The following PLEKHG4B variants were observed in gnomAD, a reference collection of about 807,000 sequenced individuals.
PLEKHG4B encodes pleckstrin homology and RhoGEF domain containing G4B.
Under a neutral mutation model 121.3 loss-of-function variants are expected in PLEKHG4B, and 111 were observed. That is an observed-to-expected ratio of 0.92 (90% CI 0.78 to 1.07). The LOEUF (loss-of-function observed/expected upper bound fraction) is 1.07, where lower values mean the gene tolerates loss of function less well. PLEKHG4B is among the 50% of genes least tolerant of loss of function. The pLI, the probability that PLEKHG4B is intolerant of heterozygous loss-of-function variation, is 0.00. For missense variants in PLEKHG4B, 1,831 were observed against 1,757.8 expected (o/e 1.04, Z -0.74); for synonymous variants, 738 against 725.0 (o/e 1.02, Z -0.29).
intron 1 of PLEKHG4B, among the ~76,000 whole-genome samples, chr5:93,622 A>G (rs1733535725): frequency 6.6e-6 from 1 of 152,238 alleles, no homozygotes; most frequent in Non-Finnish European, 1.5e-5. Flanking sequence ...CCGGTAGGCC[A>G]GGGTGTCAGG....
In PLEKHG4B at chr5:162,727, C is replaced by T. The variant is rs748399506; in HGVS notation, c.2655C>T (p.Ser885=). ...GAGCCCTCCTTGTCCCACAGGTGAG[C>T]AGCTGGATGGGGCCCCTGGACCCGG... ...TRSSELCETV[S]SWMGPLDPEA... Residue 885 remains serine, a synonymous_variant, in exon 13 of 20, where the codon AGC becomes AGT. Transcript: ENST00000637938. 4.1e-6 allele frequency: 6 copies of T among 1,451,810 alleles called. No individual in the cohort carries two copies. The East Asian group carries it at 1.0e-4, about 24-fold the overall frequency. The allele number at this position is 1,451,810 out of a possible 1,614,324, so 89.9% of individuals were successfully genotyped here.
intron 6 of PLEKHG4B, among the ~76,000 whole-genome samples, chr5:145,417 A>G (rs750035138): frequency 7.9e-5 from 12 of 152,206 alleles, no homozygotes; most frequent in African/African-American, 2.4e-4. Context: ...GACAGGGTCA[A>G]TGCCATTGCC....
chr5:99,920 T>G (rs1733752569), intron 1 of PLEKHG4B, among the ~76,000 whole-genome samples: 1 of 152,166 alleles, frequency 6.6e-6, no homozygotes, highest in Non-Finnish European at 1.5e-5. Context: ...TTTCTGGGTC[T>G]GTTATCATGA....
At position 158,569 on chromosome 5, in the gene PLEKHG4B, G is replaced by A. The variant is rs375032058; in HGVS notation, c.2487+1658G>A. On this transcript the variant is annotated intron_variant, in intron 11 of 19. Transcript: ENST00000637938. ...CCATCTCCCCCTCCTCCCTCTGCCC[G>A]TCCTGGGAGTCTCCTTCATCTTCCC... is the stretch of plus-strand genomic sequence containing the variant. 2.7e-3 allele frequency among the ~76,000 whole-genome samples: 286 copies of A among 107,918 alleles called. 1 individual carries two copies. The highest frequency in any genetic ancestry group is 9.8e-3 in the African/African-American group (266 of 27,244). The allele number at this position is 107,918 out of a possible 152,430, so 70.8% of individuals were successfully genotyped here.
chr5:167,864 A>T (rs572334606), intron 13 of PLEKHG4B, among the ~76,000 whole-genome samples: 1 of 152,358 alleles, frequency 6.6e-6, no homozygotes, highest in African/African-American at 2.4e-5. Context: ...TTATGGTGTA[A>T]AAGTACTTTT....
chr5:109,962 C>T (rs1044940243), intron 1 of PLEKHG4B, among the ~76,000 whole-genome samples: 2 of 151,976 alleles, frequency 1.3e-5, no homozygotes, highest in East Asian at 1.9e-4. Context: ...ATCTGCAACA[C>T]GTGCACACAC....
rs539351760 is a variant in PLEKHG4B, at chr5:158,107, T to G, written c.2487+1196T>G. ...AGGCCAAGCTGCAGCCACCAGCCAG[T>G]CCGGGCTGTCTCCAGTCTGTGCCCT... On this transcript the variant is annotated intron_variant, in intron 11 of 19. Coordinates refer to ENST00000637938, the MANE Select transcript of PLEKHG4B (RefSeq NM_052909.5). Among the ~76,000 whole-genome samples, 419 of 152,260 alleles carry G rather than the reference T, an allele frequency of 2.8e-3. 4 individuals are homozygous for G. Among genetic ancestry groups the G allele is most frequent in the African/African-American group, 9.5e-3 (396 of 41,526 alleles).
Position 162,870 on chromosome 5 carries a change from T to TG in PLEKHG4B, c.2802dup (p.Lys935GlufsTer26). Reference sequence around the variant, plus strand: ...GTGGCAGTGCTGAAGCCTCATGCCCTGGGGAAACCGTGGGCATCACAGCAA... The same window carrying TG: ...GTGGCAGTGCTGAAGCCTCATGCCCTGGGGGAAACCGTGGGCATCACAGCAA... On this transcript the variant is annotated frameshift_variant, in exon 13 of 20. Transcript: ENST00000637938. LOFTEE classifies it high-confidence loss of function. The TG allele has an allele frequency of 1.3e-6, 2 of 1,519,896 alleles. No homozygotes were observed. The highest frequency in any genetic ancestry group is 1.8e-4 in the Middle Eastern group (1 of 5,712). The allele number at this position is 1,519,896 out of a possible 1,614,324, so 94.2% of individuals were successfully genotyped here.
chr5:102,436 A>G (rs1733848934), intron 1 of PLEKHG4B, among the ~76,000 whole-genome samples: 2 of 152,218 alleles, frequency 1.3e-5, no homozygotes, highest in Admixed American at 6.5e-5. Flanking sequence ...TGTAAATAAA[A>G]ATAATAATAA....
chr5:162,038 A>T (rs967010388), intron 12 of PLEKHG4B, 94 bp downstream of exon 12: 11 of 1,443,402 alleles, frequency 7.6e-6, no homozygotes, highest in Non-Finnish European at 1.0e-5. Context: ...GGAGTGGGCC[A>T]GGCTGTGGGA....
intron 2 of PLEKHG4B, among the ~76,000 whole-genome samples, chr5:119,329 T>C (rs1296583431): frequency 6.6e-6 from 1 of 152,230 alleles, no homozygotes; most frequent in East Asian, 1.9e-4. Flanking sequence ...TGTTCCATTA[T>C]TGGAACACTA....
At chr5:122,196 C>T (rs542862441) in intron 2 of PLEKHG4B, among the ~76,000 whole-genome samples, 2 of 151,522 alleles carry the variant, frequency 1.3e-5, no homozygotes, top group East Asian at 3.9e-4. Context: ...AAATGGAATC[C>T]AAAAAATAGA....
chr5:134,498 G>A (rs1734888769), intron 2 of PLEKHG4B, among the ~76,000 whole-genome samples: 1 of 152,128 alleles, frequency 6.6e-6, no homozygotes, highest in South Asian at 2.1e-4. Flanking sequence ...AGGCATGGTG[G>A]GTCATGCCTG....
At chr5:130,174 A>T (rs1734737818) in intron 2 of PLEKHG4B, among the ~76,000 whole-genome samples, 1 of 152,246 alleles carries the variant, frequency 6.6e-6, no homozygotes, top group Non-Finnish European at 1.5e-5. Context: ...TTGATGGCAG[A>T]AACATCTAGA....
rs114260538 is a variant in PLEKHG4B, at chr5:163,444, G to A, written c.3372G>A (p.Pro1124=). The part of the protein sequence containing the change: ...TSTVATEKKL[P]LWQHARSPPV... ...CTGTAGCCACAGAGAAGAAGCTCCC[G>A]CTGTGGCAGCATGCCAGGAGCCCCC... Residue 1124 remains proline (P), a synonymous_variant, in exon 13 of 20, where the codon CCG becomes CCA. Transcript: ENST00000637938. The A allele has an allele frequency of 2.7e-4, 443 of 1,612,970 alleles. 1 individual carries two copies. Among genetic ancestry groups the A allele is most frequent in the East Asian group, 3.1e-4 (14 of 44,884 alleles).
Position 151,499 on chromosome 5 carries a change from CTTAT to C in PLEKHG4B, c.1906-7_1906-4del, listed in dbSNP as rs745810022. ...GAAAGCTAATCAGTAATATTTATTT[CTTAT>C]TTATTTCAGAACAACACATCTCCTA... is the stretch of plus-strand genomic sequence containing the variant. On this transcript the variant is annotated splice_polypyrimidine_tract_variant and intron_variant, in intron 6 of 19. Transcript: ENST00000637938. 2 of 1,496,108 alleles carry C rather than the reference CTTAT, an allele frequency of 1.3e-6. No homozygotes were observed. The highest frequency in any genetic ancestry group is 1.8e-6 in the Non-Finnish European group (2 of 1,088,986). 92.7% of individuals were successfully genotyped at this position (1,496,108 alleles called of 1,614,324 possible).
intron 2 of PLEKHG4B, among the ~76,000 whole-genome samples, chr5:129,315 A>G (rs950233679): frequency 1.3e-5 from 2 of 152,166 alleles, no homozygotes; most frequent in Non-Finnish European, 2.9e-5. Flanking sequence ...ATCCCCCTTT[A>G]TCTTAACTGG....
intron 1 of PLEKHG4B, among the ~76,000 whole-genome samples, chr5:112,415 A>G (rs1734184724): frequency 6.6e-6 from 1 of 152,240 alleles, no homozygotes; most frequent in Non-Finnish European, 1.5e-5. Context: ...TCGTGCCATT[A>G]TAAAAACTGA....
chr5:177,796 G>T (rs576361232), intron 18 of PLEKHG4B, among the ~76,000 whole-genome samples: 18 of 152,324 alleles, frequency 1.2e-4, no homozygotes, highest in Admixed American at 5.9e-4. Flanking sequence ...TGGGCTGCCC[G>T]TGTGCACAGT....
Sources: allele counts gnomAD v4.1 joint callset (sites outside exome capture counted in the v4.1 genomes callset), GRCh38; gene constraint gnomAD v4.1.1; transcripts MANE v1.5; gene names NCBI Gene and HGNC (gene_info 2026-07-23, HGNC 2026-07-21).